The following SGCZ variants were observed in gnomAD, a reference collection of about 807,000 sequenced individuals.
SGCZ encodes the protein sarcoglycan zeta.
In SGCZ, 40 loss-of-function variants were observed where a neutral mutation model predicts 41.3. The ratio of observed to expected loss-of-function variants is 0.97; its 90% CI spans 0.75 to 1.26. SGCZ has a LOEUF of 1.26. Ranked by LOEUF, SGCZ falls within the 50% of genes most tolerant of loss-of-function variation. SGCZ has a pLI of 0.00. For synonymous variants in SGCZ, 206 were observed against 137.5 expected (o/e 1.50, Z -3.49); for missense variants, 552 against 369.8 (o/e 1.49, Z -4.04).
intron 1 of SGCZ, among the ~76,000 whole-genome samples, chr8:14,875,678 G>C (rs1282595775): frequency 1.3e-5 from 2 of 152,146 alleles, no homozygotes; most frequent in South Asian, 4.1e-4. Flanking sequence ...TCCAGGTCAA[G>C]ACATTTAAGG....
intron 1 of SGCZ, among the ~76,000 whole-genome samples, chr8:14,631,909 G>T (rs987024739): frequency 6.6e-6 from 1 of 152,008 alleles, no homozygotes; most frequent in Non-Finnish European, 1.5e-5. Context: ...TGGAACAAAC[G>T]TTAACTGAAA....
At chr8:14,846,023 G>T (rs1258454928) in intron 1 of SGCZ, among the ~76,000 whole-genome samples, 2 of 152,032 alleles carry the variant, frequency 1.3e-5, no homozygotes, top group Non-Finnish European at 2.9e-5. Context: ...CCCAACCACA[G>T]GGTTTCAAAT....
chr8:14,470,552 T>C (rs547888629), intron 2 of SGCZ, among the ~76,000 whole-genome samples: 2 of 152,224 alleles, frequency 1.3e-5, no homozygotes, highest in African/African-American at 4.8e-5. Flanking sequence ...CTAACCCCAG[T>C]TTTCTTGGAG....
chr8:15,202,018 C>G (rs571929172), intron 1 of SGCZ, among the ~76,000 whole-genome samples: 4 of 152,200 alleles, frequency 2.6e-5, no homozygotes, highest in African/African-American at 9.6e-5. Context: ...GCTTTTTCAT[C>G]TTATTTTAGA....
At chr8:14,960,871 G>T (rs1374101198) in intron 1 of SGCZ, among the ~76,000 whole-genome samples, 1 of 151,878 alleles carries the variant, frequency 6.6e-6, no homozygotes, top group Non-Finnish European at 1.5e-5. Context: ...GCCTTTGAAA[G>T]TGGAATTGTA....
chr8:14,645,713 TAC>T (rs58529031), intron 1 of SGCZ, among the ~76,000 whole-genome samples: 28,554 of 150,720 alleles, frequency 0.19, 3,168 homozygotes, highest in East Asian at 0.58. Flanking sequence ...TACACATACA[TAC>T]ACACACACAT....
intron 1 of SGCZ, among the ~76,000 whole-genome samples, chr8:14,639,270 A>G (rs538486640): frequency 4.6e-5 from 7 of 151,664 alleles, no homozygotes; most frequent in African/African-American, 1.7e-4. Flanking sequence ...CTTACCACTA[A>G]TATATTATTA....
chr8:14,461,577 A>G (rs541085871), intron 2 of SGCZ, among the ~76,000 whole-genome samples: 2 of 152,186 alleles, frequency 1.3e-5, no homozygotes, highest in African/African-American at 4.8e-5. Flanking sequence ...ACCTAGACGA[A>G]TCAGTATGGC....
Position 14,670,667 on chromosome 8 carries a change from A to G in SGCZ, c.40-115741T>C, listed in dbSNP as rs551846043. On this transcript the variant is annotated intron_variant, in intron 1 of 7. Transcript: ENST00000382080. ...ACAATGTATAATATTAAGAACACCA[A>G]CAACAGAAATAGCACTCTCAATGGT... Among the ~76,000 whole-genome samples, 247 of 152,344 alleles carry G rather than the reference A, an allele frequency of 1.6e-3. 1 individual carries two copies. The highest frequency in any genetic ancestry group is 5.6e-3 in the African/African-American group (233 of 41,586).
intron 1 of SGCZ, among the ~76,000 whole-genome samples, chr8:15,111,530 A>G (rs1258263420): frequency 6.6e-6 from 1 of 152,182 alleles, no homozygotes; most frequent in Non-Finnish European, 1.5e-5. Flanking sequence ...TACACCTCAG[A>G]AAACTTTGTA....
chr8:14,337,008 G>C (rs1275008945), intron 2 of SGCZ, among the ~76,000 whole-genome samples: 1 of 152,194 alleles, frequency 6.6e-6, no homozygotes, highest in Non-Finnish European at 1.5e-5. Context: ...TGTCCATATG[G>C]CCATTAAAGG....
At chr8:14,538,890 A>G (rs879485128) in intron 2 of SGCZ, among the ~76,000 whole-genome samples, 1 of 151,924 alleles carries the variant, frequency 6.6e-6, no homozygotes, top group Non-Finnish European at 1.5e-5. Context: ...GGAAGGGTGG[A>G]TTTGAAGTAG....
chr8:14,766,460 T>A (rs930290656), intron 1 of SGCZ, among the ~76,000 whole-genome samples: 3 of 152,134 alleles, frequency 2.0e-5, no homozygotes, highest in African/African-American at 7.2e-5. Flanking sequence ...AGATAATATG[T>A]TTCTAACAAA....
intron 1 of SGCZ, among the ~76,000 whole-genome samples, chr8:14,567,778 C>T (rs1351215331): frequency 6.6e-6 from 1 of 152,116 alleles, no homozygotes; most frequent in South Asian, 2.1e-4. Flanking sequence ...AGACCACGAA[C>T]CCACTGGGAG....
chr8:14,225,965 T>C (rs1411346007), intron 4 of SGCZ, among the ~76,000 whole-genome samples: 2 of 152,052 alleles, frequency 1.3e-5, no homozygotes, highest in Non-Finnish European at 2.9e-5. Flanking sequence ...ATCAAAAGTT[T>C]CCACAATTTA....
At chr8:14,594,004 G>A (rs1290295397) in intron 1 of SGCZ, among the ~76,000 whole-genome samples, 2 of 151,762 alleles carry the variant, frequency 1.3e-5, no homozygotes, top group African/African-American at 2.4e-5. Context: ...GTGAAACCCT[G>A]CTTCTTCTAA....
rs1801596303 is a variant in SGCZ, at chr8:14,088,560, T to C, written c.*1883A>G. Among the ~76,000 whole-genome samples the C allele has an allele frequency of 6.6e-6, 1 of 151,906 alleles. No homozygotes were observed. Among genetic ancestry groups the C allele is most frequent in the African/African-American group, 2.4e-5 (1 of 41,430 alleles). On this transcript the variant is annotated 3_prime_UTR_variant, in exon 8 of 8. Transcript: ENST00000382080. Reference sequence around the variant, plus strand: ...CTTATATTAAATTCTCTTATTTTAATATAAATTAAACTCTTGTGTTATAAC... The same window carrying C: ...CTTATATTAAATTCTCTTATTTTAACATAAATTAAACTCTTGTGTTATAAC...
At chr8:14,657,000 G>T (rs1807598743) in intron 1 of SGCZ, among the ~76,000 whole-genome samples, 1 of 151,540 alleles carries the variant, frequency 6.6e-6, no homozygotes, top group Non-Finnish European at 1.5e-5. Flanking sequence ...TATAAAATTT[G>T]TTTTAAATGT....
At chr8:15,162,124 T>A (rs1197021681) in intron 1 of SGCZ, among the ~76,000 whole-genome samples, 2 of 152,252 alleles carry the variant, frequency 1.3e-5, no homozygotes, top group African/African-American at 4.8e-5. Context: ...TTGTATTGGA[T>A]GAAGACATCT....
Sources: gnomAD v4.1 joint callset for allele counts (sites outside exome capture counted in the v4.1 genomes callset) on GRCh38, gnomAD v4.1.1 for gene constraint, MANE v1.5 for transcripts, NCBI Gene and HGNC (gene_info 2026-07-23, HGNC 2026-07-21) for gene names.